The following ATG10 variants were observed in gnomAD, a reference collection of about 807,000 sequenced individuals.
ATG10 encodes the protein autophagy related 10.
Under a neutral mutation model 32.1 loss-of-function variants are expected in ATG10, and 30 were observed. That is an observed-to-expected ratio of 0.94 (90% CI 0.70 to 1.27). The LOEUF is 1.27. ATG10 is among the 50% of genes most tolerant of loss of function. The pLI is 0.00. For missense variants in ATG10, 233 were observed against 262.3 expected, an observed-to-expected ratio of 0.89 and a Z score of 0.77; for synonymous variants, 87 against 91.5, an observed-to-expected ratio of 0.95 and a Z score of 0.28.
intron 3 of ATG10, among the ~76,000 whole-genome samples, chr5:82,094,426 T>A (rs1220585137): frequency 6.6e-6 from 1 of 152,080 alleles, no homozygotes; most frequent in Non-Finnish European, 1.5e-5. Flanking sequence ...CAAATAATAA[T>A]GATATATATA....
chr5:82,190,073 G>A (rs1249350661), intron 5 of ATG10, among the ~76,000 whole-genome samples: 4 of 152,106 alleles, frequency 2.6e-5, no homozygotes, highest in African/African-American at 9.7e-5. Flanking sequence ...ATTCTTGCAA[G>A]ATGCAAAGAA....
intron 2 of ATG10, among the ~76,000 whole-genome samples, chr5:82,045,200 G>A (rs1763198480): frequency 6.6e-6 from 1 of 152,102 alleles, no homozygotes; most frequent in Non-Finnish European, 1.5e-5. Context: ...ATGTGGGAGG[G>A]TATGTCTATT....
At chr5:81,993,335 C>T (rs1761522962) in intron 2 of ATG10, among the ~76,000 whole-genome samples, 1 of 68,798 alleles carries the variant, frequency 1.5e-5, no homozygotes, top group Non-Finnish European at 2.6e-5. Context: ...TTCCTTCCTT[C>T]CTTCTTTCTT....
chr5:82,184,805 C>T (rs1744385696), intron 5 of ATG10, among the ~76,000 whole-genome samples: 1 of 151,994 alleles, frequency 6.6e-6, no homozygotes, highest in African/African-American at 2.4e-5. Context: ...GTATTGTAGA[C>T]CCCAGGCACC....
intron 4 of ATG10, among the ~76,000 whole-genome samples, chr5:82,170,826 T>C (rs1055830977): frequency 6.6e-6 from 1 of 152,044 alleles, no homozygotes; most frequent in African/African-American, 2.4e-5. Context: ...CAAGCGCCTG[T>C]ACTCCCAGCT....
intron 3 of ATG10, among the ~76,000 whole-genome samples, chr5:82,066,024 G>A (rs1025966218): frequency 1.3e-5 from 2 of 151,960 alleles, no homozygotes; most frequent in Non-Finnish European, 2.9e-5. Flanking sequence ...TCAGTAAAAG[G>A]AAACAGTATC....
chr5:82,223,899 C>T (rs577038624), intron 5 of ATG10, among the ~76,000 whole-genome samples: 4 of 151,982 alleles, frequency 2.6e-5, no homozygotes, highest in Non-Finnish European at 5.9e-5. Context: ...AGGGAGTATT[C>T]GAGATAGGGG....
intron 1 of ATG10, among the ~76,000 whole-genome samples, chr5:81,983,159 C>T (rs1423011907): frequency 4.0e-5 from 6 of 150,670 alleles, no homozygotes; most frequent in Non-Finnish European, 7.4e-5. Flanking sequence ...ACCTCCTGGA[C>T]GGGGCGGCTG....
At chr5:82,010,871 T>C (rs900984016) in intron 2 of ATG10, among the ~76,000 whole-genome samples, 4 of 152,216 alleles carry the variant, frequency 2.6e-5, no homozygotes, top group Non-Finnish European at 5.9e-5. Context: ...GCATTCTTTT[T>C]ATGCACACAG....
At chr5:82,082,046 A>G (rs1171913344) in intron 3 of ATG10, among the ~76,000 whole-genome samples, 2 of 152,112 alleles carry the variant, frequency 1.3e-5, no homozygotes, top group Non-Finnish European at 2.9e-5. Context: ...TTTCATTATC[A>G]CAAGAACAGT....
At chr5:82,049,357 A>G (rs1255830127) in intron 2 of ATG10, among the ~76,000 whole-genome samples, 4 of 133,482 alleles carry the variant, frequency 3.0e-5, no homozygotes, top group Admixed American at 1.9e-4. Flanking sequence ...ATGAGAACAC[A>G]TGGACACAGG....
rs1336739980 is a variant in ATG10 at position 82,170,771 on chromosome 5, C to A, written c.355+6234C>A. Among the ~76,000 whole-genome samples the A allele has an allele frequency of 2.6e-5, 4 of 152,100 alleles. No homozygotes were observed. The South Asian group carries it at 8.3e-4, about 32-fold the overall frequency. ...GACCAGCCTGGCCAACATGGTGAAA[C>A]CCCATCTCTACTAAAATACAAAAAA... On this transcript the variant is annotated intron_variant, in intron 4 of 7. Transcript: ENST00000282185.
chr5:82,128,478 GC>G (rs1232212496), intron 3 of ATG10, among the ~76,000 whole-genome samples: 1 of 151,892 alleles, frequency 6.6e-6, no homozygotes. Context: ...TGTAAGGCAG[GC>G]CTGGTGGTGA....
intron 3 of ATG10, among the ~76,000 whole-genome samples, chr5:82,097,922 C>CA (rs1482805300): frequency 1.3e-5 from 2 of 152,094 alleles, no homozygotes; most frequent in African/African-American, 4.8e-5. Flanking sequence ...TTAACAACAA[C>CA]AAAAAACGAG....
At position 82,125,454 on chromosome 5, in the gene ATG10, T is replaced by A. The variant is rs149200526; in HGVS notation, c.217-38945T>A. Among the ~76,000 whole-genome samples the A allele has an allele frequency of 4.6e-5, 7 of 152,282 alleles. No individual in the cohort carries two copies. The East Asian group carries it at 1.3e-3, about 29-fold the overall frequency. ...CCATCTTGAGTTAATTTTTGCGTAA[T>A]GTGTAAGGAAAGTGTCCAGTTTCAG... is the stretch of plus-strand genomic sequence containing the variant. On this transcript the variant is annotated intron_variant, in intron 3 of 7. Coordinates refer to ENST00000282185, the MANE Select transcript of ATG10 (RefSeq NM_031482.5).
At chr5:82,037,581 T>C (rs1762972506) in intron 2 of ATG10, among the ~76,000 whole-genome samples, 1 of 152,158 alleles carries the variant, frequency 6.6e-6, no homozygotes, top group Admixed American at 6.5e-5. Context: ...TGAACTGTAG[T>C]CATGATAGTG....
chr5:82,029,892 T>C (rs1259253198), intron 2 of ATG10, among the ~76,000 whole-genome samples: 1 of 152,224 alleles, frequency 6.6e-6, no homozygotes, highest in Non-Finnish European at 1.5e-5. Flanking sequence ...TGGTTAGTAA[T>C]AGTACCAATT....
At chr5:82,222,270 C>G (rs1745959021) in intron 5 of ATG10, among the ~76,000 whole-genome samples, 1 of 152,194 alleles carries the variant, frequency 6.6e-6, no homozygotes, top group Non-Finnish European at 1.5e-5. Flanking sequence ...TACAGCCAAA[C>G]TGCCTGGATC....
At chr5:82,086,024 G>T (rs1324556067) in intron 3 of ATG10, among the ~76,000 whole-genome samples, 2 of 152,084 alleles carry the variant, frequency 1.3e-5, no homozygotes, top group African/African-American at 4.8e-5. Flanking sequence ...GTCAGTAGAT[G>T]TCAAATTTAA....
Sources: gnomAD v4.1 joint callset for allele counts (sites outside exome capture counted in the v4.1 genomes callset) on GRCh38, gnomAD v4.1.1 for gene constraint, MANE v1.5 for transcripts, NCBI Gene and HGNC (gene_info 2026-07-23, HGNC 2026-07-21) for gene names.